Variants in C13orf42 observed in about 807,000 individuals in gnomAD.
C13orf42 encodes chromosome 13 open reading frame 42.
chr13:51,114,614 T>TGATA (rs36090660), upstream of C13orf42, among the ~76,000 whole-genome samples: 3,820 of 136,606 alleles, frequency 0.028, 69 homozygotes, highest in Non-Finnish European at 0.037. Context: ...TACAGATAGA[T>TGATA]GATAGATAGA....
At chr13:51,140,098 T>A (rs1953685029) in intron 1 of C13orf42, among the ~76,000 whole-genome samples, 1 of 152,200 alleles carries the variant, frequency 6.6e-6, no homozygotes, top group Non-Finnish European at 1.5e-5. Context: ...ACTCCTCTGC[T>A]CACTGAGATA....
At chr13:51,096,968 C>T (rs892698080) in intron 1 of C13orf42, among the ~76,000 whole-genome samples, 1 of 152,022 alleles carries the variant, frequency 6.6e-6, no homozygotes, top group Non-Finnish European at 1.5e-5. Context: ...ATCATTTCTT[C>T]GAAAATACAA....
At chr13:51,170,402 C>CCTACGA (rs1340880909) in intron 1 of C13orf42, among the ~76,000 whole-genome samples, 1 of 152,158 alleles carries the variant, frequency 6.6e-6, no homozygotes, top group Non-Finnish European at 1.5e-5. Flanking sequence ...GAAACATCCA[C>CCTACGA]CTACGACCTC....
chr13:51,111,921 A>C (rs1026613024), upstream of C13orf42, among the ~76,000 whole-genome samples: 1 of 152,170 alleles, frequency 6.6e-6, no homozygotes, highest in Non-Finnish European at 1.5e-5. Flanking sequence ...ATAGCAGCCC[A>C]TTGTGGAGGC....
At chr13:51,145,736 T>C (rs1593551204) in intron 1 of C13orf42, among the ~76,000 whole-genome samples, 1 of 148,122 alleles carries the variant, frequency 6.8e-6, no homozygotes, top group South Asian at 2.1e-4. Context: ...TAACCATTTA[T>C]GTATCACCCA....
At position 51,092,091 on chromosome 13, in the gene C13orf42, C is replaced by T. The variant is rs142707440; in HGVS notation, c.415-4016G>A. ...ATCTCTTACTGTCCAGGGGACAAAA[C>T]ATCCTGGCATGCTCAGGAATCATCC... On this transcript the variant is annotated intron_variant, in intron 1 of 3. Coordinates refer to ENST00000563710, the MANE Select transcript of C13orf42 (RefSeq NM_001351589.3). Among the ~76,000 whole-genome samples, 1,394 of 152,298 alleles carry T rather than the reference C, an allele frequency of 9.2e-3. 26 individuals carry two copies. The highest frequency in any genetic ancestry group is 0.032 in the African/African-American group (1,335 of 41,564).
intron 1 of C13orf42, among the ~76,000 whole-genome samples, chr13:51,128,340 T>C (rs1953591174): frequency 6.6e-6 from 1 of 152,222 alleles, no homozygotes; most frequent in African/African-American, 2.4e-5. Context: ...GGATTGAGAC[T>C]GCATTCCAGT....
intron 1 of C13orf42, among the ~76,000 whole-genome samples, chr13:51,145,628 T>C (rs1046902972): frequency 6.6e-6 from 1 of 152,182 alleles, no homozygotes; most frequent in Non-Finnish European, 1.5e-5. Context: ...AGGGCAAACT[T>C]GCCTCCCATT....
At chr13:51,087,359 A>G (rs924316010) in intron 2 of C13orf42, among the ~76,000 whole-genome samples, 2 of 152,206 alleles carry the variant, frequency 1.3e-5, no homozygotes, top group Admixed American at 6.5e-5. Flanking sequence ...GTATGGTCAG[A>G]AGCTGGATTC....
intron 1 of C13orf42, among the ~76,000 whole-genome samples, chr13:51,091,284 C>T (rs1384984253): frequency 6.6e-6 from 1 of 152,142 alleles, no homozygotes; most frequent in African/African-American, 2.4e-5. Context: ...TGGCGGCACA[C>T]TGGTGACGTT....
chr13:51,146,522 G>T (rs537523769), intron 1 of C13orf42, among the ~76,000 whole-genome samples: 1 of 152,304 alleles, frequency 6.6e-6, no homozygotes, highest in South Asian at 2.1e-4. Context: ...TGCCCAAGGT[G>T]GTCTGAGCAC....
chr13:51,145,555 T>C (rs989863136), intron 1 of C13orf42, among the ~76,000 whole-genome samples: 8 of 152,086 alleles, frequency 5.3e-5, no homozygotes, highest in South Asian at 4.2e-4. Context: ...AGGGGGGAAA[T>C]GTTAAAGGAG....
In C13orf42 at chr13:51,082,128, T is replaced by C. The variant is rs1444598846; in HGVS notation, c.*2023A>G. ...AATCTGTCAACTCAACTGGGTTTTC[T>C]GAATTGACTTTTATTGTTTCAGATT... On this transcript the variant is annotated 3_prime_UTR_variant, in exon 4 of 4. Transcript: ENST00000563710. 1.3e-5 allele frequency: 2 copies of C among 152,278 alleles called. No homozygotes were observed. The highest frequency in any genetic ancestry group is 4.8e-5 in the African/African-American group (2 of 41,474). The allele number at this position is 152,278 out of a possible 1,614,324, so 9.4% of individuals were successfully genotyped here.
At chr13:51,084,631 G>C (rs1380378371) in intron 3 of C13orf42, among the ~76,000 whole-genome samples, 1 of 152,258 alleles carries the variant, frequency 6.6e-6, no homozygotes, top group Non-Finnish European at 1.5e-5. Flanking sequence ...ACAGGGTTTA[G>C]TGGCTTTTGT....
intron 1 of C13orf42, among the ~76,000 whole-genome samples, chr13:51,151,383 AAAG>A (rs1165638313): frequency 2.6e-5 from 4 of 151,790 alleles, no homozygotes; most frequent in African/African-American, 9.7e-5. Flanking sequence ...AGGAAAAAAA[AAAG>A]AAAAAACAAA....
upstream of C13orf42, among the ~76,000 whole-genome samples, chr13:51,114,635 GATAGAT>G (rs1953468197): frequency 3.9e-5 from 4 of 102,078 alleles, no homozygotes; most frequent in African/African-American, 6.4e-5. Flanking sequence ...TAGATAGATA[GATAGAT>G]AGATAGAGAT....
chr13:51,098,091 A>G (rs1048377111), intron 1 of C13orf42, among the ~76,000 whole-genome samples: 51 of 152,008 alleles, frequency 3.4e-4, no homozygotes, highest in African/African-American at 1.2e-3. Flanking sequence ...TGTGTTTCTC[A>G]TTTCAATTTC....
chr13:51,100,186 A>G (rs1160816590), intron 1 of C13orf42, among the ~76,000 whole-genome samples: 1 of 152,056 alleles, frequency 6.6e-6, no homozygotes, highest in Non-Finnish European at 1.5e-5. Context: ...AAAAAGAAAA[A>G]CGGAACTATT....
intron 1 of C13orf42, among the ~76,000 whole-genome samples, chr13:51,105,431 A>T (rs115363562): frequency 8.5e-5 from 13 of 152,342 alleles, no homozygotes; most frequent in African/African-American, 3.1e-4. Context: ...CAAGTGAGTG[A>T]TATATTAATA....
Sources: gnomAD v4.1 joint callset for allele counts (sites outside exome capture counted in the v4.1 genomes callset) on GRCh38, gnomAD v4.1.1 for gene constraint, MANE v1.5 for transcripts, NCBI Gene and HGNC (gene_info 2026-07-23, HGNC 2026-07-21) for gene names.